WWC2: variants seen among roughly 807,000 people sequenced by gnomAD.
The protein encoded by WWC2 is protein WWC2.
A neutral mutation model predicts 138.5 loss-of-function variants in WWC2; 101 were observed. The ratio of observed to expected loss-of-function variants is 0.73; its 90% CI spans 0.62 to 0.86. WWC2 has a LOEUF of 0.86. Among genes scored for constraint, WWC2 ranks in the 40% least tolerant of loss-of-function variants. The pLI, the probability that WWC2 is intolerant of heterozygous loss-of-function variation, is 0.00. For synonymous variants in WWC2, 558 were observed against 538.4 expected (o/e 1.04, Z -0.50); for missense variants, 1,420 against 1,419.4 (o/e 1.00, Z -0.01).
intron 5 of WWC2, among the ~76,000 whole-genome samples, chr4:183,243,201 TTA>T (rs1181251614): frequency 2.0e-5 from 3 of 152,216 alleles, no homozygotes; most frequent in African/African-American, 7.2e-5. Context: ...ATGATAAAGT[TTA>T]TGTTCATTTC....
At chr4:183,164,746 C>T (rs1441673158) in intron 1 of WWC2, among the ~76,000 whole-genome samples, 1 of 151,916 alleles carries the variant, frequency 6.6e-6, no homozygotes, top group African/African-American at 2.4e-5. Flanking sequence ...TCTTGGGCAG[C>T]GCTTGACTTC....
intron 19 of WWC2, among the ~76,000 whole-genome samples, chr4:183,284,899 A>G (rs1015135504): frequency 1.3e-5 from 2 of 152,220 alleles, no homozygotes; most frequent in African/African-American, 4.8e-5. Context: ...GCCAAATTCT[A>G]CTTCTAGAAG....
chr4:183,164,133 A>G (rs182572931), intron 1 of WWC2, among the ~76,000 whole-genome samples: 81 of 151,648 alleles, frequency 5.3e-4, no homozygotes, highest in African/African-American at 1.8e-3. Flanking sequence ...GAAGGTCCAT[A>G]TAAGAGATTC....
At chr4:183,154,905 C>T (rs1733754435) in intron 1 of WWC2, among the ~76,000 whole-genome samples, 1 of 152,174 alleles carries the variant, frequency 6.6e-6, no homozygotes, top group African/African-American at 2.4e-5. Context: ...AGATAACAAT[C>T]CTTCAGTGCT....
chr4:183,305,233 G>T (rs1553980873), intron 21 of WWC2, among the ~76,000 whole-genome samples: 1 of 150,150 alleles, frequency 6.7e-6, no homozygotes, highest in Non-Finnish European at 1.5e-5. Context: ...AGAGACTGGA[G>T]AAAAAAAAAG....
intron 1 of WWC2, among the ~76,000 whole-genome samples, chr4:183,185,678 G>A (rs1416529758): frequency 7.9e-5 from 12 of 152,042 alleles, no homozygotes; most frequent in Non-Finnish European, 1.8e-4. Context: ...AGGGCTATGC[G>A]GCAGAGCTTG....
At chr4:183,196,112 C>T (rs185680345) in intron 2 of WWC2, among the ~76,000 whole-genome samples, 57 of 152,246 alleles carry the variant, frequency 3.7e-4, no homozygotes, top group African/African-American at 1.3e-3. Flanking sequence ...CTTTGCCTTC[C>T]GCCAAGAGTA....
chr4:183,241,965 G>A (rs1736636953), intron 5 of WWC2, among the ~76,000 whole-genome samples: 1 of 152,132 alleles, frequency 6.6e-6, no homozygotes, highest in African/African-American at 2.4e-5. Flanking sequence ...TTGCTTGCAA[G>A]CAATTTTTAT....
At chr4:183,117,822 C>G (rs1211011608) in intron 1 of WWC2, among the ~76,000 whole-genome samples, 2 of 149,044 alleles carry the variant, frequency 1.3e-5, no homozygotes, top group African/African-American at 5.0e-5. Flanking sequence ...GAGTCTCGCT[C>G]TGTCGCCCAG....
At chr4:183,156,640 C>G (rs529384539) in intron 1 of WWC2, among the ~76,000 whole-genome samples, 2 of 152,110 alleles carry the variant, frequency 1.3e-5, no homozygotes, top group Non-Finnish European at 2.9e-5. Context: ...CACCTTTGTT[C>G]TTCATTTATT....
chr4:183,222,637 T>C (rs1031526384), intron 4 of WWC2, among the ~76,000 whole-genome samples: 5 of 152,096 alleles, frequency 3.3e-5, no homozygotes, highest in Admixed American at 3.3e-4. Flanking sequence ...CAGAATATCA[T>C]CTGGACATGT....
chr4:183,269,610 T>C, intron 15 of WWC2: 1 of 410,428 alleles, frequency 2.4e-6, no homozygotes, highest in South Asian at 1.8e-5. Context: ...AGAGGTAATA[T>C]ATTCAACGGT....
chr4:183,316,051 G>A lies in WWC2; in HGVS notation c.*322G>A, dbSNP rs1739428347. 2 of 215,168 alleles carry A rather than the reference G, an allele frequency of 9.3e-6. No homozygotes were observed. The highest frequency in any genetic ancestry group is 7.0e-5 in the South Asian group (1 of 14,284). The allele number at this position is 215,168 out of a possible 1,614,324, so 13.3% of individuals were successfully genotyped here. A position where few individuals can be genotyped will look rare whatever the true frequency, so the allele number is the denominator to read the frequency against. ...AGAGGCAGTACCCCACATGTGTACTGTTGAGCCGGCTGTTGAGAAACAACT... is the reference window on the plus strand; with the variant it reads ...AGAGGCAGTACCCCACATGTGTACTATTGAGCCGGCTGTTGAGAAACAACT... On this transcript the variant is annotated 3_prime_UTR_variant, in exon 23 of 23. Coordinates refer to ENST00000403733, the MANE Select transcript of WWC2 (RefSeq NM_024949.6).
At chr4:183,183,037 G>A (rs1366268417) in intron 1 of WWC2, among the ~76,000 whole-genome samples, 2 of 152,188 alleles carry the variant, frequency 1.3e-5, no homozygotes, top group East Asian at 3.8e-4. Flanking sequence ...AAGAAGGCAG[G>A]GTCCCTGCCT....
At chr4:183,184,222 C>T (rs1262060174) in intron 1 of WWC2, among the ~76,000 whole-genome samples, 1 of 152,186 alleles carries the variant, frequency 6.6e-6, no homozygotes, top group Non-Finnish European at 1.5e-5. Context: ...ATAGTGGAAT[C>T]GTACCATATG....
chr4:183,267,745 C>G (rs1245930944), intron 14 of WWC2, among the ~76,000 whole-genome samples: 1 of 152,182 alleles, frequency 6.6e-6, no homozygotes, highest in African/African-American at 2.4e-5. Context: ...CAGACATTTG[C>G]TCTTCGGCTC....
chr4:183,147,860 T>C (rs1228498595), intron 1 of WWC2, among the ~76,000 whole-genome samples: 1 of 152,216 alleles, frequency 6.6e-6, no homozygotes. Context: ...TTTTCTCTGG[T>C]AAGGTATATA....
At chr4:183,186,107 C>T (rs1371561703) in intron 1 of WWC2, among the ~76,000 whole-genome samples, 1 of 152,010 alleles carries the variant, frequency 6.6e-6, no homozygotes, top group Non-Finnish European at 1.5e-5. Flanking sequence ...CCCACCACTC[C>T]CAGCTAATTT....
intron 21 of WWC2, among the ~76,000 whole-genome samples, chr4:183,309,143 C>A (rs1197191016): frequency 6.6e-6 from 1 of 152,090 alleles, no homozygotes; most frequent in African/African-American, 2.4e-5. Context: ...TAGAAGTTAC[C>A]CTAGGAGAAA....
Sources: allele counts gnomAD v4.1 joint callset (sites outside exome capture counted in the v4.1 genomes callset), GRCh38; gene constraint gnomAD v4.1.1; transcripts MANE v1.5; gene names NCBI Gene and HGNC (gene_info 2026-07-23, HGNC 2026-07-21).